The following SLC2A13 variants were observed in gnomAD, a reference collection of about 807,000 sequenced individuals.
SLC2A13 encodes proton myo-inositol cotransporter.
A neutral mutation model predicts 64.4 loss-of-function variants in SLC2A13; 32 were observed. That is an observed-to-expected ratio of 0.50 (90% confidence interval 0.37 to 0.67). The LOEUF (loss-of-function observed/expected upper bound fraction) is 0.67, where lower values mean the gene tolerates loss of function less well. SLC2A13 is among the 30% of genes least tolerant of loss of function. The probability of loss-of-function intolerance (pLI) is 0.00; values close to 1 mark genes in which losing one functional copy is unlikely to be tolerated. For missense variants in SLC2A13, 743 were observed against 829.2 expected, an observed-to-expected ratio of 0.90 and a Z score of 1.28; for synonymous variants, 338 against 327.1, an observed-to-expected ratio of 1.03 and a Z score of -0.36.
chr12:39,974,655 G>T (rs1006982105), intron 3 of SLC2A13, among the ~76,000 whole-genome samples: 1 of 152,114 alleles, frequency 6.6e-6, no homozygotes, highest in African/African-American at 2.4e-5. Flanking sequence ...AAAATCATAA[G>T]ATACGTTCAA....
intron 4 of SLC2A13, among the ~76,000 whole-genome samples, chr12:39,901,842 G>A (rs1945124752): frequency 6.7e-6 from 1 of 148,230 alleles, no homozygotes; most frequent in South Asian, 2.2e-4. Flanking sequence ...CCATTACTGG[G>A]TATATACCCA....
intron 7 of SLC2A13, among the ~76,000 whole-genome samples, chr12:39,806,799 T>C (rs991221934): frequency 3.9e-5 from 6 of 152,176 alleles, no homozygotes; most frequent in African/African-American, 1.2e-4. Flanking sequence ...GAAAATAAAT[T>C]TGTAGGAGTT....
intron 6 of SLC2A13, among the ~76,000 whole-genome samples, chr12:39,836,173 G>C (rs1942998292): frequency 6.6e-6 from 1 of 152,066 alleles, no homozygotes; most frequent in Admixed American, 6.6e-5. Context: ...AGTGTGCCTG[G>C]AATTCAGACT....
chr12:40,018,022 G>A (rs571444806), intron 3 of SLC2A13, among the ~76,000 whole-genome samples: 2 of 149,788 alleles, frequency 1.3e-5, no homozygotes, highest in Admixed American at 6.7e-5. Flanking sequence ...AGGAAAGAAC[G>A]TGAATAGCAT....
At chr12:40,085,946 C>T (rs1379694189) in intron 1 of SLC2A13, among the ~76,000 whole-genome samples, 1 of 152,112 alleles carries the variant, frequency 6.6e-6, no homozygotes, top group Non-Finnish European at 1.5e-5. Flanking sequence ...ACAATCCCAG[C>T]TCACTGCAAC....
At chr12:39,956,548 G>A (rs1039292097) in intron 3 of SLC2A13, among the ~76,000 whole-genome samples, 13 of 152,102 alleles carry the variant, frequency 8.5e-5, no homozygotes, top group Admixed American at 7.2e-4. Flanking sequence ...CTGACATGGT[G>A]AACTGGATAA....
At chr12:39,890,706 T>C (rs1392041373) in intron 4 of SLC2A13, among the ~76,000 whole-genome samples, 1 of 152,194 alleles carries the variant, frequency 6.6e-6, no homozygotes, top group Admixed American at 6.5e-5. Context: ...TGTACAGTTA[T>C]TACATATCAA....
chr12:40,101,036 T>C (rs1939133116), intron 1 of SLC2A13, among the ~76,000 whole-genome samples: 1 of 150,948 alleles, frequency 6.6e-6, no homozygotes, highest in Non-Finnish European at 1.5e-5. Context: ...GGAAAACGTA[T>C]GTCCTATTTG....
intron 4 of SLC2A13, chr12:39,950,258 C>A (rs1463640283): frequency 6.6e-6 from 1 of 151,944 alleles, no homozygotes; most frequent in Admixed American, 6.6e-5. Flanking sequence ...TAAAAAAAAT[C>A]AAGAGTCTCA....
At chr12:39,916,837 C>T (rs1219663644) in intron 4 of SLC2A13, among the ~76,000 whole-genome samples, 1 of 149,386 alleles carries the variant, frequency 6.7e-6, no homozygotes, top group African/African-American at 2.5e-5. Context: ...AAAGTATAAA[C>T]ATAAGACAAT....
rs774198949 is a variant in SLC2A13 at position 39,764,561 on chromosome 12, G to C, written c.1619C>G (p.Ala540Gly). ...TGAACATGCATTTCCTGTACTTCTT[G>C]CCCAAAGGGGATATATTTCAGAATT... is the stretch of plus-strand genomic sequence containing the variant. ...TVNSEIYPLW[A>G]RSTGNACSSG... Residue 540 changes from alanine (A) to glycine (G), a missense_variant, in exon 9 of 10, where the codon GCA becomes GGA. By Grantham distance (60) the Ala-to-Gly change is moderately conservative (BLOSUM62 0). Transcript: ENST00000280871. The C allele has an allele frequency of 5.6e-6, 9 of 1,610,944 alleles. No individual in the cohort carries two copies. The Admixed American group carries it at 1.3e-4, about 24-fold the overall frequency.
At chr12:39,862,413 T>A (rs911707682) in intron 6 of SLC2A13, among the ~76,000 whole-genome samples, 4 of 152,198 alleles carry the variant, frequency 2.6e-5, no homozygotes, top group African/African-American at 9.7e-5. Flanking sequence ...TTTCTACAAG[T>A]GGACGTGCTG....
At chr12:39,831,253 G>A (rs759845358) in intron 6 of SLC2A13, among the ~76,000 whole-genome samples, 4 of 152,122 alleles carry the variant, frequency 2.6e-5, no homozygotes, top group East Asian at 1.9e-4. Context: ...TCATTTTAAC[G>A]ATGAGAGCTG....
intron 4 of SLC2A13, among the ~76,000 whole-genome samples, chr12:39,928,131 A>G (rs1384583913): frequency 1.3e-5 from 2 of 152,164 alleles, no homozygotes; most frequent in Non-Finnish European, 2.9e-5. Context: ...AAAGGGAAAA[A>G]TGTTTTACTT....
At chr12:40,046,306 G>A (rs1196902580) in intron 2 of SLC2A13, among the ~76,000 whole-genome samples, 7 of 152,110 alleles carry the variant, frequency 4.6e-5, no homozygotes, top group Admixed American at 2.0e-4. Flanking sequence ...CAACACCTCC[G>A]CTTTTACACG....
rs141931394 is a variant in SLC2A13, at chr12:39,785,729, G to A, written c.1446-20871C>T. On this transcript the variant is annotated intron_variant, in intron 7 of 9. Coordinates refer to ENST00000280871, the MANE Select transcript of SLC2A13 (RefSeq NM_052885.4). ...CTCTACCATGCAAAGACACAGGGGC[G>A]GAGCTGCCCAAGACCATGGGAACCC... 2.0e-4 allele frequency among the ~76,000 whole-genome samples: 31 copies of A among 152,246 alleles called. No homozygotes were observed. In the East Asian group the frequency reaches 5.2e-3, roughly 26 times the overall value.
At chr12:40,086,348 C>T (rs1000272123) in intron 1 of SLC2A13, among the ~76,000 whole-genome samples, 14 of 151,980 alleles carry the variant, frequency 9.2e-5, no homozygotes, top group African/African-American at 3.4e-4. Flanking sequence ...TTTATATACT[C>T]ATAAAAATAA....
intron 7 of SLC2A13, among the ~76,000 whole-genome samples, chr12:39,777,639 G>C (rs1940823021): frequency 1.3e-5 from 2 of 152,238 alleles, no homozygotes; most frequent in African/African-American, 2.4e-5. Context: ...CCCTAGCAGG[G>C]AGACACACAG....
intron 3 of SLC2A13, among the ~76,000 whole-genome samples, chr12:40,008,004 C>G (rs1449014333): frequency 6.6e-6 from 1 of 152,150 alleles, no homozygotes; most frequent in African/African-American, 2.4e-5. Context: ...GAGGTAGAGT[C>G]TGAGGTAATT....
Sources: gnomAD v4.1 joint callset for allele counts (sites outside exome capture counted in the v4.1 genomes callset) on GRCh38, gnomAD v4.1.1 for gene constraint, MANE v1.5 for transcripts, NCBI Gene and HGNC (gene_info 2026-07-23, HGNC 2026-07-21) for gene names.